ANO3: variants seen among roughly 807,000 people sequenced by gnomAD.
ANO3 encodes anoctamin-3.
A neutral mutation model predicts 144.8 loss-of-function variants in ANO3; 99 were observed. That is an observed-to-expected ratio of 0.68 (90% CI 0.58 to 0.81). ANO3 has a LOEUF of 0.81. Among genes scored for constraint, ANO3 ranks in the 30% least tolerant of loss-of-function variants. The probability of loss-of-function intolerance (pLI) is 0.00; values close to 1 mark genes in which losing one functional copy is unlikely to be tolerated. For missense variants in ANO3, 905 were observed against 1,202.2 expected, an observed-to-expected ratio of 0.75 and a Z score of 3.66; for synonymous variants, 414 against 392.6, an observed-to-expected ratio of 1.05 and a Z score of -0.64.
intron 1 of ANO3, among the ~76,000 whole-genome samples, chr11:26,204,854 T>C (rs2133915659): frequency 6.6e-6 from 1 of 152,312 alleles, no homozygotes; most frequent in South Asian, 2.1e-4. Flanking sequence ...CACCTTTCTT[T>C]AGAATGTGGG....
At chr11:26,534,030 G>A (rs1849440967) in intron 8 of ANO3, among the ~76,000 whole-genome samples, 1 of 152,120 alleles carries the variant, frequency 6.6e-6, no homozygotes, top group African/African-American at 2.4e-5. Context: ...TTCCCATGGG[G>A]ACAATAATAG....
At chr11:26,421,893 A>G (rs1478817432) in intron 1 of ANO3, among the ~76,000 whole-genome samples, 1 of 152,104 alleles carries the variant, frequency 6.6e-6, no homozygotes, top group Non-Finnish European at 1.5e-5. Flanking sequence ...TGCAAGCTAA[A>G]TGATGAGAAC....
At chr11:26,462,985 G>GA (rs762916643) in intron 3 of ANO3, 45 bp from the exon 4 acceptor site, 1 of 1,068,310 alleles carries the variant, frequency 9.4e-7, no homozygotes, top group Non-Finnish European at 1.3e-6. Flanking sequence ...TGAAAAAAGA[G>GA]AAAAACTATA....
chr11:26,631,901 C>G (rs985631350), intron 18 of ANO3, among the ~76,000 whole-genome samples: 3 of 151,880 alleles, frequency 2.0e-5, no homozygotes, highest in Non-Finnish European at 4.4e-5. Flanking sequence ...GTATTTAGAC[C>G]GGGCATGGTG....
At chr11:26,398,797 TG>T (rs1857079509) in intron 1 of ANO3, among the ~76,000 whole-genome samples, 1 of 152,052 alleles carries the variant, frequency 6.6e-6, no homozygotes, top group Non-Finnish European at 1.5e-5. Context: ...TTGTGCCCCC[TG>T]GAATGTTCCA....
chr11:26,639,310 A>G (rs1008226223), intron 21 of ANO3, 69 bp downstream of exon 21: 19 of 1,168,532 alleles, frequency 1.6e-5, no homozygotes, highest in Non-Finnish European at 2.2e-5. Context: ...TGGCGTGAGT[A>G]GTGCTTAAGA....
At chr11:26,537,328 C>A (rs1849535550) in intron 9 of ANO3, 78 bp from the exon 10 acceptor site, 3 of 1,123,612 alleles carry the variant, frequency 2.7e-6, no homozygotes, top group African/African-American at 1.5e-5. Context: ...ATTCATTGTT[C>A]CCCGTATATT....
At chr11:26,341,003 C>G (rs1326127265) in intron 1 of ANO3, among the ~76,000 whole-genome samples, 1 of 152,090 alleles carries the variant, frequency 6.6e-6, no homozygotes, top group Non-Finnish European at 1.5e-5. Flanking sequence ...GCTGTCAATT[C>G]TTTATCTTTG....
intron 22 of ANO3, among the ~76,000 whole-genome samples, chr11:26,642,477 A>G (rs4998799): frequency 0.38 from 56,857 of 150,454 alleles, 11,592 homozygotes; most frequent in South Asian, 0.49. Flanking sequence ...TCAGCCTCTC[A>G]AGTAGCTGGG....
intron 5 of ANO3, among the ~76,000 whole-genome samples, chr11:26,513,711 A>G (rs1302708588): frequency 6.6e-6 from 1 of 152,164 alleles, no homozygotes; most frequent in African/African-American, 2.4e-5. Context: ...TTCCACAATA[A>G]AAATTTTACT....
chr11:26,508,502 A>G, intron 5 of ANO3: 1 of 406,470 alleles, frequency 2.5e-6, no homozygotes, highest in Non-Finnish European at 4.3e-6. Flanking sequence ...AATTTTAAAA[A>G]CTGAATAAGG....
At chr11:26,632,203 A>T (rs1195385157) in intron 18 of ANO3, among the ~76,000 whole-genome samples, 3 of 150,984 alleles carry the variant, frequency 2.0e-5, no homozygotes, top group African/African-American at 7.3e-5. Context: ...AGAAAAAAAA[A>T]AAAAGATACA....
chr11:26,450,894 C>T (rs1858906210), intron 3 of ANO3, among the ~76,000 whole-genome samples: 1 of 152,136 alleles, frequency 6.6e-6, no homozygotes, highest in Non-Finnish European at 1.5e-5. Flanking sequence ...AATAATTTAG[C>T]TATTAAAATT....
At chr11:26,527,054 TTAG>T (rs36110365) in intron 7 of ANO3, among the ~76,000 whole-genome samples, 119,967 of 151,424 alleles carry the variant, frequency 0.79, 47,611 homozygotes, top group East Asian at 0.85. Flanking sequence ...TACTACATAA[TTAG>T]TAGGTTTTCT....
chr11:26,565,205 A>T lies in ANO3; in HGVS notation c.1447+5426A>T, dbSNP rs552934625. On this transcript the variant is annotated intron_variant, in intron 14 of 26. Coordinates refer to ENST00000256737, the MANE Select transcript of ANO3 (RefSeq NM_031418.4). ...ACGTATTTGGAAAGAGTTTTGAATT[A>T]TTGGTGAATTTTAAGGTAGGCTGTA... The T allele has an allele frequency of 2.4e-4, 363 of 1,509,038 alleles. 5 individuals are homozygous for T. The South Asian group carries it at 4.6e-3, about 19-fold the overall frequency. 93.5% of individuals were successfully genotyped at this position (1,509,038 alleles called of 1,614,324 possible).
At chr11:26,516,383 G>C (rs1861865124) in intron 5 of ANO3, among the ~76,000 whole-genome samples, 1 of 151,564 alleles carries the variant, frequency 6.6e-6, no homozygotes, top group Non-Finnish European at 1.5e-5. Context: ...CACATAGTTT[G>C]AGGACCTAGT....
intron 1 of ANO3, among the ~76,000 whole-genome samples, chr11:26,431,291 T>C (rs1260277085): frequency 2.6e-5 from 4 of 152,234 alleles, no homozygotes; most frequent in Non-Finnish European, 4.4e-5. Flanking sequence ...TTTCAACCTT[T>C]ATAATGGATA....
Position 26,627,856 on chromosome 11 carries a change from C to CGCGTGT in ANO3, c.1873+3360_1873+3361insGTGTGC, listed in dbSNP as rs1554981588. Among the ~76,000 whole-genome samples, 179 of 109,414 alleles carry CGCGTGT rather than the reference C, an allele frequency of 1.6e-3. 2 individuals carry two copies. Among genetic ancestry groups the CGCGTGT allele is most frequent in the Middle Eastern group, 9.5e-3 (2 of 210 alleles). The allele number at this position is 109,414 out of a possible 152,430, so 71.8% of individuals were successfully genotyped here. On this transcript the variant is annotated intron_variant, in intron 18 of 26. Transcript: ENST00000256737. ...GTGTGTGTGTGTGTGTGTGTGTGTG[C>CGCGTGT]GCCTGACATTATGTTCTGTTTAATT...
intron 1 of ANO3, among the ~76,000 whole-genome samples, chr11:26,400,843 AAT>A (rs4033234): frequency 3.3e-4 from 49 of 147,884 alleles, no homozygotes; most frequent in African/African-American, 1.2e-3. Context: ...TGCCTAGATG[AAT>A]ATATATATAT....
Sources: gnomAD v4.1 joint callset for allele counts (sites outside exome capture counted in the v4.1 genomes callset) on GRCh38, gnomAD v4.1.1 for gene constraint, MANE v1.5 for transcripts, NCBI Gene and HGNC (gene_info 2026-07-23, HGNC 2026-07-21) for gene names.